ACSM3: variants seen among roughly 807,000 people sequenced by gnomAD.
The protein encoded by ACSM3 is acyl-coenzyme A synthetase ACSM3, mitochondrial.
Under a neutral mutation model 74.1 loss-of-function variants are expected in ACSM3, and 61 were observed. The observed-to-expected ratio is 0.82, with a 90% CI of 0.67 to 1.02. The LOEUF is 1.02. Among genes scored for constraint, ACSM3 ranks in the 50% least tolerant of loss-of-function variants. ACSM3 has a pLI of 0.00. For synonymous variants in ACSM3, 213 were observed against 241.5 expected (o/e 0.88, Z 1.09); for missense variants, 660 against 697.0 (o/e 0.95, Z 0.60).
At chr16:20,693,730 A>C (rs114357069) in intron 1 of ACSM3, among the ~76,000 whole-genome samples, 3,110 of 152,194 alleles carry the variant, frequency 0.02, 114 homozygotes, top group African/African-American at 0.071. Context: ...CTGCTTCTCC[A>C]CTTATTGTAG....
chr16:20,748,818 G>A (rs549405846), intron 1 of ACSM3, among the ~76,000 whole-genome samples: 6 of 152,184 alleles, frequency 3.9e-5, no homozygotes, highest in Admixed American at 2.0e-4. Flanking sequence ...TTGGGAGGCC[G>A]AGGCAGACAG....
chr16:20,773,898 A>C (rs1226616560), intron 2 of ACSM3, among the ~76,000 whole-genome samples: 2 of 152,228 alleles, frequency 1.3e-5, no homozygotes, highest in African/African-American at 4.8e-5. Flanking sequence ...GTGCAGTATA[A>C]ATCCAATGTT....
intron 1 of ACSM3, chr16:20,719,497 T>G (rs2079778082): frequency 5.7e-6 from 1 of 175,030 alleles, no homozygotes; most frequent in South Asian, 1.4e-4. Context: ...TGGAAATCAT[T>G]TCTTTATAAG....
chr16:20,678,241 G>A (rs1174388674), intron 1 of ACSM3, among the ~76,000 whole-genome samples: 2 of 151,956 alleles, frequency 1.3e-5, no homozygotes, highest in East Asian at 3.9e-4. Flanking sequence ...TCCCTGAAAC[G>A]GTGGCCCCCA....
chr16:20,758,645 T>C (rs920459311), intron 3 of ACSM3, among the ~76,000 whole-genome samples: 15 of 152,186 alleles, frequency 9.9e-5, no homozygotes, highest in African/African-American at 3.6e-4. Flanking sequence ...TTCTGCTCGA[T>C]TTTAGTTATT....
chr16:20,734,024 T>G (rs2079847899), intron 1 of ACSM3: 1 of 152,318 alleles, frequency 6.6e-6, no homozygotes, highest in Admixed American at 6.5e-5. Flanking sequence ...AAAACAAGTC[T>G]TTTAATGAGT....
intron 1 of ACSM3, among the ~76,000 whole-genome samples, chr16:20,710,766 G>T: frequency 6.6e-6 from 1 of 151,870 alleles, no homozygotes; most frequent in Non-Finnish European, 1.5e-5. Context: ...GTTATAAGCT[G>T]TAAAGTGCTA....
At chr16:20,775,058 A>G (rs551189677) in intron 2 of ACSM3, among the ~76,000 whole-genome samples, 3 of 152,170 alleles carry the variant, frequency 2.0e-5, no homozygotes, top group East Asian at 1.9e-4. Context: ...CCTGGGGTGT[A>G]GAGTGCTGTG....
intron 2 of ACSM3, among the ~76,000 whole-genome samples, chr16:20,773,986 G>A (rs1361569022): frequency 2.0e-5 from 3 of 152,132 alleles, no homozygotes; most frequent in African/African-American, 7.2e-5. Context: ...TGTTGTATTG[G>A]AGTCTATCTG....
At chr16:20,677,596 T>G (rs1176015205) in intron 1 of ACSM3, among the ~76,000 whole-genome samples, 2 of 152,166 alleles carry the variant, frequency 1.3e-5, no homozygotes, top group African/African-American at 4.8e-5. Flanking sequence ...CAGAGAGATT[T>G]GACAGATAGG....
Position 20,797,386 on chromosome 16 carries a change from A to T in ACSM3, c.*414A>T. 7.1e-6 allele frequency: 7 copies of T among 985,664 alleles called. No homozygotes were observed. Among genetic ancestry groups the T allele is most frequent in the Non-Finnish European group, 8.5e-6 (7 of 824,528 alleles). 61.1% of individuals were successfully genotyped at this position (985,664 alleles called of 1,614,324 possible). A position where few individuals can be genotyped will look rare whatever the true frequency, so the allele number is the denominator to read the frequency against. On this transcript the variant is annotated 3_prime_UTR_variant, in exon 14 of 14. Transcript: ENST00000289416. ...TATAAAAGTTTTTAGAAAAATATAA[A>T]ATATCAGTTAGAAGATTATGATAAT...
intron 3 of ACSM3, among the ~76,000 whole-genome samples, chr16:20,776,566 A>G (rs1846537189): frequency 6.6e-6 from 1 of 152,214 alleles, no homozygotes; most frequent in Admixed American, 6.5e-5. Flanking sequence ...GAGTCCATTT[A>G]TCCTTTGAGA....
At chr16:20,726,544 C>T (rs553773369) in intron 1 of ACSM3, among the ~76,000 whole-genome samples, 2 of 152,336 alleles carry the variant, frequency 1.3e-5, no homozygotes, top group South Asian at 4.1e-4. Flanking sequence ...ATTCTGAATG[C>T]ATATGATTTG....
In ACSM3 at chr16:20,737,098, C is replaced by T. The variant is rs572673795; in HGVS notation, c.-189-12812C>T. The stretch of plus-strand genomic sequence containing the variant: ...TCCAGTTTAGCTTCTTTCCCATTTC[C>T]CTGCTTTGAGTTAAGCTGTGACGGA... On this transcript the variant is annotated intron_variant, in intron 1 of 3. Transcript: ENST00000561584. 24 of 1,614,144 alleles carry T rather than the reference C, an allele frequency of 1.5e-5. No homozygotes were observed. In the East Asian group the frequency reaches 4.2e-4, roughly 28 times the overall value.
chr16:20,707,116 C>A (rs1596482102), intron 1 of ACSM3, among the ~76,000 whole-genome samples: 1 of 152,132 alleles, frequency 6.6e-6, no homozygotes, highest in African/African-American at 2.4e-5. Flanking sequence ...AGCAGTTCTG[C>A]CCAGCCAGGG....
chr16:20,722,770 T>C (rs1596485282), intron 1 of ACSM3, among the ~76,000 whole-genome samples: 1 of 152,232 alleles, frequency 6.6e-6, no homozygotes, highest in East Asian at 1.9e-4. Flanking sequence ...ATTCACTTGC[T>C]GAATTCAATT....
intron 2 of ACSM3, among the ~76,000 whole-genome samples, chr16:20,752,841 A>C (rs530670584): frequency 6.6e-6 from 1 of 152,344 alleles, no homozygotes; most frequent in South Asian, 2.1e-4. Flanking sequence ...GATTCTCCAG[A>C]TGTGATGCAA....
chr16:20,793,476 T>C (rs1315296167), intron 12 of ACSM3, among the ~76,000 whole-genome samples: 1 of 150,244 alleles, frequency 6.7e-6, no homozygotes, highest in Non-Finnish European at 1.5e-5. Context: ...CTCAAAAAAA[T>C]AAAAATAAAA....
At chr16:20,753,228 C>T (rs1461376393) in intron 2 of ACSM3, among the ~76,000 whole-genome samples, 1 of 151,516 alleles carries the variant, frequency 6.6e-6, no homozygotes, top group Non-Finnish European at 1.5e-5. Context: ...ACTTTGGGAG[C>T]CGAGGTGGGC....
Sources: allele counts gnomAD v4.1 joint callset (sites outside exome capture counted in the v4.1 genomes callset), GRCh38; gene constraint gnomAD v4.1.1; transcripts MANE v1.5; gene names NCBI Gene and HGNC (gene_info 2026-07-23, HGNC 2026-07-21).